PTPRJ: variants seen among roughly 807,000 people sequenced by gnomAD.
PTPRJ encodes the protein protein tyrosine phosphatase receptor type J.
Under a neutral mutation model 141.3 loss-of-function variants are expected in PTPRJ, and 129 were observed. The ratio of observed to expected loss-of-function variants is 0.91; its 90% CI spans 0.79 to 1.06. PTPRJ has a LOEUF of 1.06. Ranked by LOEUF, PTPRJ falls within the 50% of genes least tolerant of loss-of-function variation. The pLI, the probability that PTPRJ is intolerant of heterozygous loss-of-function variation, is 0.00. For missense variants in PTPRJ, 1,601 were observed against 1,679.7 expected, an observed-to-expected ratio of 0.95 and a Z score of 0.82; for synonymous variants, 610 against 640.5, an observed-to-expected ratio of 0.95 and a Z score of 0.72.
At chr11:48,103,240 C>G (rs1375907972) in intron 1 of PTPRJ, among the ~76,000 whole-genome samples, 1 of 152,118 alleles carries the variant, frequency 6.6e-6, no homozygotes, top group Non-Finnish European at 1.5e-5. Context: ...TGGAGGAAAC[C>G]TTCAGGCCAG....
At position 48,164,518 on chromosome 11, in the gene PTPRJ, G is replaced by T; in HGVS notation, c.3855+3G>T. ...GGCCTTTAATGGTGCAGACAGAGGTGAGGCCAAGATCTGTATTTGACATTC... is the reference window on the plus strand; with the variant it reads ...GGCCTTTAATGGTGCAGACAGAGGTTAGGCCAAGATCTGTATTTGACATTC... On this transcript the variant is annotated splice_donor_region_variant and intron_variant, in intron 24 of 24. Transcript: ENST00000418331. The T allele has an allele frequency of 6.3e-7, 1 of 1,597,780 alleles. No individual in the cohort carries two copies. Among genetic ancestry groups the T allele is most frequent in the South Asian group, 1.1e-5 (1 of 90,164 alleles).
At chr11:48,108,092 A>T (rs1856342571) in intron 1 of PTPRJ, among the ~76,000 whole-genome samples, 1 of 152,204 alleles carries the variant, frequency 6.6e-6, no homozygotes, top group African/African-American at 2.4e-5. Flanking sequence ...TTAAGAAAAA[A>T]GTTATTCAAA....
intron 1 of PTPRJ, among the ~76,000 whole-genome samples, chr11:47,988,704 G>C (rs1231899163): frequency 6.6e-6 from 1 of 152,010 alleles, no homozygotes; most frequent in African/African-American, 2.4e-5. Flanking sequence ...TTACTGGATT[G>C]GAAGATGCAT....
intron 1 of PTPRJ, among the ~76,000 whole-genome samples, chr11:48,050,533 A>G (rs1465645120): frequency 6.6e-6 from 1 of 152,208 alleles, no homozygotes; most frequent in African/African-American, 2.4e-5. Context: ...GTTCCTGTTC[A>G]CACATTTCTT....
intron 14 of PTPRJ, among the ~76,000 whole-genome samples, chr11:48,146,563 A>G (rs904508675): frequency 1.3e-5 from 2 of 152,322 alleles, no homozygotes; most frequent in East Asian, 3.9e-4. Flanking sequence ...AAAATATCTG[A>G]AAATCCAGCC....
intron 1 of PTPRJ, among the ~76,000 whole-genome samples, chr11:48,044,555 T>C (rs886554298): frequency 5.9e-5 from 9 of 152,214 alleles, no homozygotes; most frequent in Non-Finnish European, 1.2e-4. Context: ...AACTGGGTTT[T>C]GGGTTTCACA....
At chr11:48,027,297 G>T (rs1010424797) in intron 1 of PTPRJ, among the ~76,000 whole-genome samples, 1 of 151,212 alleles carries the variant, frequency 6.6e-6, no homozygotes, top group Middle Eastern at 3.2e-3. Context: ...ATGAGCCACC[G>T]CGCCCGGCCC....
Position 48,007,352 on chromosome 11 carries a change from G to A in PTPRJ, c.96+26344G>A, listed in dbSNP as rs967967280. Among the ~76,000 whole-genome samples the A allele has an allele frequency of 5.3e-5, 8 of 151,342 alleles. No individual in the cohort carries two copies. The South Asian group carries it at 1.5e-3, about 28-fold the overall frequency. ...TCTCGATCTCCTGACGTCGTGATCC[G>A]CCCACCTCGGCCTCCCAAAGTGCTG... On this transcript the variant is annotated intron_variant, in intron 1 of 24. Coordinates refer to ENST00000418331, the MANE Select transcript of PTPRJ (RefSeq NM_002843.4).
At chr11:48,130,060 G>C (rs1237198097) in intron 7 of PTPRJ, among the ~76,000 whole-genome samples, 1 of 151,354 alleles carries the variant, frequency 6.6e-6, no homozygotes, top group Non-Finnish European at 1.5e-5. Flanking sequence ...TGGGGGAATG[G>C]ATTTTGGGGG....
chr11:47,999,863 C>CTTTTTTTTTTTTTT (rs1209647054), intron 1 of PTPRJ, among the ~76,000 whole-genome samples: 24 of 136,260 alleles, frequency 1.8e-4, no homozygotes, highest in African/African-American at 4.5e-4. Flanking sequence ...CGAGATTCTT[C>CTTTTTTTTTTTTTT]TTTTTTTTTT....
chr11:48,168,842 T>C lies in PTPRJ; in HGVS notation c.*1480T>C, dbSNP rs909941320. On this transcript the variant is annotated 3_prime_UTR_variant, in exon 25 of 25. Coordinates refer to ENST00000418331, the MANE Select transcript of PTPRJ (RefSeq NM_002843.4). ...ATTAACATGAAAAGATTTTTTCTTT[T>C]TATTTTATATTGTGGCTCAGGTTAT... is the stretch of plus-strand genomic sequence containing the variant. The C allele has an allele frequency of 6.6e-6, 1 of 151,982 alleles. No homozygotes were observed. Among genetic ancestry groups the C allele is most frequent in the African/African-American group, 2.4e-5 (1 of 41,368 alleles). The allele number at this position is 151,982 out of a possible 1,614,324, so 9.4% of individuals were successfully genotyped here. A position where few individuals can be genotyped will look rare whatever the true frequency, so the allele number is the denominator to read the frequency against.
chr11:48,136,955 C>G, intron 9 of PTPRJ, 48 bp from the exon 10 acceptor site: 1 of 1,489,622 alleles, frequency 6.7e-7, no homozygotes, highest in Non-Finnish European at 9.2e-7. Flanking sequence ...TCCTGGAATT[C>G]TACTTAATCT....
chr11:47,997,623 G>A (rs1261844924), intron 1 of PTPRJ, among the ~76,000 whole-genome samples: 1 of 152,100 alleles, frequency 6.6e-6, no homozygotes, highest in Non-Finnish European at 1.5e-5. Flanking sequence ...TGTCTGGGTG[G>A]GAAAGGAACC....
At chr11:48,033,840 C>T (rs1390067121) in intron 1 of PTPRJ, among the ~76,000 whole-genome samples, 1 of 152,190 alleles carries the variant, frequency 6.6e-6, no homozygotes, top group African/African-American at 2.4e-5. Context: ...TAGGAAGACA[C>T]CTACCGGAAG....
At chr11:48,041,728 G>T (rs1020910474) in intron 1 of PTPRJ, among the ~76,000 whole-genome samples, 9 of 152,146 alleles carry the variant, frequency 5.9e-5, no homozygotes, top group African/African-American at 2.2e-4. Flanking sequence ...GGGTTCTAGC[G>T]ATCCTCCCAC....
chr11:47,981,140 A>ATCCCCGG, intron 1 of PTPRJ, 132 bp downstream of exon 1: 1 of 978,358 alleles, frequency 1.0e-6, no homozygotes, highest in Non-Finnish European at 1.3e-6. Flanking sequence ...GGATCCCCGG[A>ATCCCCGG]AGGCGACTTG....
At chr11:48,049,514 CTAAAA>C (rs1450108515) in intron 1 of PTPRJ, among the ~76,000 whole-genome samples, 15 of 127,392 alleles carry the variant, frequency 1.2e-4, no homozygotes, top group African/African-American at 4.8e-4. Context: ...CCCGTCTCTA[CTAAAA>C]CAAAACAAAA....
At chr11:48,156,718 C>T (rs998091074) in intron 21 of PTPRJ, among the ~76,000 whole-genome samples, 22 of 151,726 alleles carry the variant, frequency 1.4e-4, no homozygotes, top group Admixed American at 1.2e-3. Context: ...TCCTGTGTAG[C>T]TGGGACTACA....
chr11:48,039,840 G>A (rs1854230586), intron 1 of PTPRJ, among the ~76,000 whole-genome samples: 1 of 151,774 alleles, frequency 6.6e-6, no homozygotes, highest in Admixed American at 6.6e-5. Context: ...CCAGGCTGGG[G>A]TGCAGTAGTG....
Sources: gnomAD v4.1 joint callset for allele counts (sites outside exome capture counted in the v4.1 genomes callset) on GRCh38, gnomAD v4.1.1 for gene constraint, MANE v1.5 for transcripts, NCBI Gene and HGNC (gene_info 2026-07-23, HGNC 2026-07-21) for gene names.